Variants in MYH2 observed in about 807,000 individuals in gnomAD.
MYH2 encodes myosin heavy chain 2.
A neutral mutation model predicts 228.1 loss-of-function variants in MYH2; 139 were observed. The observed-to-expected ratio is 0.61, with a 90% CI of 0.53 to 0.70. MYH2 has a LOEUF of 0.70. Among genes scored for constraint, MYH2 ranks in the 30% least tolerant of loss-of-function variants. The pLI is 0.00. For synonymous variants in MYH2, 796 were observed against 871.1 expected, an observed-to-expected ratio of 0.91 and a Z score of 1.52; for missense variants, 1,809 against 2,357.5, an observed-to-expected ratio of 0.77 and a Z score of 4.82.
intron 4 of MYH2, among the ~76,000 whole-genome samples, chr17:10,546,445 T>C (rs1476543383): frequency 2.0e-5 from 3 of 151,686 alleles, no homozygotes; most frequent in Non-Finnish European, 4.4e-5. Context: ...TGCAAAAATA[T>C]GAATATAGTA....
In MYH2 at chr17:10,524,868, G is replaced by A; in HGVS notation, c.4860C>T (p.Leu1620=). The A allele has an allele frequency of 1.2e-6, 2 of 1,613,950 alleles. No individual in the cohort carries two copies. Among genetic ancestry groups the A allele is most frequent in the Non-Finnish European group, 1.7e-6 (2 of 1,180,026 alleles). Residue 1620 remains leucine, a synonymous_variant, in exon 34 of 40, where the codon CTC becomes CTT. Transcript: ENST00000245503. This position sits in a 1 kb window ranked among gnomAD's most constrained non-coding sequence, Gnocchi z 4.7. ...EIRSRNDAIR[L]KKKMEGDLNE... ...TGAGGTCTCCCTCCATCTTCTTCTTGAGCCTAATGGCATCATTCCTACTCC... is the reference window on the plus strand; with the variant it reads ...TGAGGTCTCCCTCCATCTTCTTCTTAAGCCTAATGGCATCATTCCTACTCC...
rs1232533849 is a variant in MYH2, at chr17:10,526,763, A to G, written c.4023T>C (p.Ser1341=). Residue 1341 remains serine (S), a synonymous_variant, in exon 30 of 40, where the codon TCT becomes TCC. Coordinates refer to ENST00000245503, the MANE Select transcript of MYH2 (RefSeq NM_017534.6). The part of the protein sequence containing the change: ...AKNALAHALQ[S]SRHDCDLLRE... The stretch of plus-strand genomic sequence containing the variant: ...GCAGCAGGTCACAGTCGTGGCGGGA[A>G]GACTGCAGGGCATGCGCCAGGGCGT... 5 of 1,614,120 alleles carry G rather than the reference A, an allele frequency of 3.1e-6. No homozygotes were observed. The highest frequency in any genetic ancestry group is 1.3e-5 in the African/African-American group (1 of 74,942).
chr17:10,529,393 TG>T lies in MYH2; in HGVS notation c.3205del (p.Gln1069LysfsTer4), dbSNP rs2142299866. The T allele has an allele frequency of 6.2e-7, 1 of 1,614,192 alleles. No homozygotes were observed. Among genetic ancestry groups the T allele is most frequent in the Admixed American group, 1.7e-5 (1 of 60,030 alleles). ...RKLEGDLKLA[Q>X]ESIMDIENEK... ...ATTTTCAATGTCCATTATGGATTCT[TG>T]GGCCAACTTCAAGTCACCCTCAAGT... On this transcript the variant is annotated frameshift_variant, in exon 25 of 40. Transcript: ENST00000245503. LOFTEE classifies it high-confidence loss of function.
chr17:10,530,262 A>C (rs781473357), intron 22 of MYH2, among the ~76,000 whole-genome samples, 188 bp from the exon 23 acceptor site: 1 of 152,258 alleles, frequency 6.6e-6, no homozygotes, highest in Non-Finnish European at 1.5e-5. Flanking sequence ...AAAATGTACC[A>C]GTTGTCATTT....
Position 10,521,349 on chromosome 17 carries a change from A to G in MYH2, c.5757T>C (p.Ala1919=). ...CCCGCAGTTTGTTCACCTGGGACTC[A>G]GCAATGTCAGCCCGTTCCTCGGCCT... ...LEEAEERADI[A]ESQVNKLRVK... The change falls in exon 40 of 40, where the codon GCT becomes GCC. Residue 1919 remains alanine (A), a synonymous_variant. Transcript: ENST00000245503. The G allele has an allele frequency of 6.2e-7, 1 of 1,614,160 alleles. No homozygotes were observed. The highest frequency in any genetic ancestry group is 8.5e-7 in the Non-Finnish European group (1 of 1,180,026).
At chr17:10,540,481 C>A in intron 11 of MYH2, 113 bp downstream of exon 11, 2 of 915,766 alleles carry the variant, frequency 2.2e-6, no homozygotes, top group Non-Finnish European at 3.5e-6. Context: ...GGGGCATGTC[C>A]ATTTGCATCC....
At chr17:10,530,261 C>T (rs914281707) in intron 22 of MYH2, among the ~76,000 whole-genome samples, 187 bp from the exon 23 acceptor site, 3 of 152,188 alleles carry the variant, frequency 2.0e-5, no homozygotes, top group Admixed American at 2.0e-4. Context: ...CAAAATGTAC[C>T]AGTTGTCATT....
At chr17:10,541,695 T>TG (rs913824795) in intron 10 of MYH2, among the ~76,000 whole-genome samples, 8 of 152,224 alleles carry the variant, frequency 5.3e-5, no homozygotes, top group African/African-American at 1.9e-4. Context: ...TTTTGTGGCT[T>TG]GGGGGGCATC....
In MYH2 at chr17:10,524,715, G is replaced by C. The variant is rs1240694962; in HGVS notation, c.4971+42C>G. 1 of 1,614,086 alleles carries C rather than the reference G, an allele frequency of 6.2e-7. No homozygotes were observed. Among genetic ancestry groups the C allele is most frequent in the African/African-American group, 1.3e-5 (1 of 74,924 alleles). ...GAGACATCATGTTCTCAGGGTTGCA[G>C]GCACCCCAATAGTCCTGGGACCATC... On this transcript the variant is annotated intron_variant, in intron 34 of 39. Transcript: ENST00000245503. This position sits in a 1 kb window ranked among gnomAD's most constrained non-coding sequence, Gnocchi z 4.7.
intron 1 of MYH2, 24 bp from the exon 2 acceptor site, chr17:10,549,441 C>T (rs1243717736): frequency 6.5e-6 from 1 of 152,684 alleles, no homozygotes; most frequent in African/African-American, 2.4e-5. Flanking sequence ...GGGAAAAGCA[C>T]TTGATTAGTT....
At chr17:10,542,373 C>T (rs1364046561) in intron 10 of MYH2, among the ~76,000 whole-genome samples, 1 of 152,096 alleles carries the variant, frequency 6.6e-6, no homozygotes, top group African/African-American at 2.4e-5. Flanking sequence ...ATATACAATC[C>T]AGAATTGGAA....
At position 10,524,910 on chromosome 17, in the gene MYH2, C is replaced by G; in HGVS notation, c.4818G>C (p.Thr1606=). 6.2e-7 allele frequency: 1 copy of G among 1,614,058 alleles called. No homozygotes were observed. Among genetic ancestry groups the G allele is most frequent in the Non-Finnish European group, 8.5e-7 (1 of 1,180,022 alleles). ...TCCTACTCCTGATCTCAGCATCCAGCGTGCTCTGCATGGACTCCACGATTC... is the reference window on the plus strand; with the variant it reads ...TCCTACTCCTGATCTCAGCATCCAGGGTGCTCTGCATGGACTCCACGATTC... The part of the protein sequence containing the change: ...HIRIVESMQS[T]LDAEIRSRND... The change falls in exon 34 of 40, where the codon ACG becomes ACC. Residue 1606 remains threonine (T), a synonymous_variant. Coordinates refer to ENST00000245503, the MANE Select transcript of MYH2 (RefSeq NM_017534.6). The surrounding 1 kb of genome is among the most constrained non-coding windows in gnomAD (Gnocchi z 4.7).
intron 18 of MYH2, 24 bp from the exon 19 acceptor site, chr17:10,535,214 T>G: frequency 6.2e-7 from 1 of 1,614,008 alleles, no homozygotes; most frequent in Non-Finnish European, 8.5e-7. Context: ...TTTATTTCAC[T>G]GCAGAGCTGT....
Position 10,523,351 on chromosome 17 carries a change from C to T in MYH2, c.5534G>A (p.Gly1845Asp). ...EQKRNAEAVK[G>D]LRKHERRVKE... The stretch of plus-strand genomic sequence containing the variant: ...CACTCGCCTCTCATGTTTGCGCAGA[C>T]CTTTGACAGCCTCAGCATTACGCTT... Residue 1845 changes from glycine (G) to aspartate (D), a missense_variant, in exon 38 of 40, where the codon GGT becomes GAT. Gly to Asp is a moderately conservative substitution (Grantham distance 94, BLOSUM62 -1). Transcript: ENST00000245503. 1 of 1,614,198 alleles carries T rather than the reference C, an allele frequency of 6.2e-7. No homozygotes were observed. The highest frequency in any genetic ancestry group is 1.1e-5 in the South Asian group (1 of 91,082).
intron 16 of MYH2, among the ~76,000 whole-genome samples, chr17:10,536,990 C>T (rs562054245): frequency 6.6e-6 from 1 of 152,270 alleles, no homozygotes; most frequent in African/African-American, 2.4e-5. Flanking sequence ...AGGAGAGAAT[C>T]GTAGAAGCTG....
At position 10,525,999 on chromosome 17, in the gene MYH2, T is replaced by A; in HGVS notation, c.4188-123A>T. On this transcript the variant is annotated intron_variant, in intron 30 of 39. Coordinates refer to ENST00000245503, the MANE Select transcript of MYH2 (RefSeq NM_017534.6). This position sits in a 1 kb window ranked among gnomAD's most constrained non-coding sequence, Gnocchi z 4.2. ...TGCTGCCCAGCCACCTTTCATTCTT[T>A]CAACAAATATTGATGAGCCCCTTTT... is the stretch of plus-strand genomic sequence containing the variant. 1 of 1,134,780 alleles carries A rather than the reference T, an allele frequency of 8.8e-7. No homozygotes were observed. Among genetic ancestry groups the A allele is most frequent in the Non-Finnish European group, 1.3e-6 (1 of 793,626 alleles). 70.3% of individuals were successfully genotyped at this position (1,134,780 alleles called of 1,614,324 possible). A position where few individuals can be genotyped will look rare whatever the true frequency, so the allele number is the denominator to read the frequency against.
At chr17:10,527,595 A>G (rs1448858585) in intron 28 of MYH2, among the ~76,000 whole-genome samples, 153 bp downstream of exon 28, 1 of 152,250 alleles carries the variant, frequency 6.6e-6, no homozygotes, top group Non-Finnish European at 1.5e-5. Flanking sequence ...CATTGTCCCA[A>G]GATGACCTTG....
In MYH2 at chr17:10,523,719, C is replaced by G. The variant is rs945898391; in HGVS notation, c.5301+40G>C. 7 of 1,614,104 alleles carry G rather than the reference C, an allele frequency of 4.3e-6. No homozygotes were observed. In the African/African-American group the frequency reaches 8.0e-5, roughly 18 times the overall value. On this transcript the variant is annotated intron_variant, in intron 36 of 39. Coordinates refer to ENST00000245503, the MANE Select transcript of MYH2 (RefSeq NM_017534.6). ...AAGAAAGTTATAGATGTCAGGAAAT[C>G]TTACTGCTAAATCAGTGGACAAGTG...
chr17:10,539,495 G>A lies in MYH2; in HGVS notation c.1215C>T (p.Pro405=). The A allele has an allele frequency of 6.2e-7, 1 of 1,614,154 alleles. No individual in the cohort carries two copies. Among genetic ancestry groups the A allele is most frequent in the Non-Finnish European group, 8.5e-7 (1 of 1,180,030 alleles). ...SADLLKALCY[P]RVKVGNEYVT... ...CATACTCATTGCCGACCTTGACCCT[G>A]GGGTAGCAGAGAGCTTTGAGCAGAT... Residue 405 remains proline, a synonymous_variant, in exon 13 of 40, where the codon CCC becomes CCT. Transcript: ENST00000245503.
Sources: gnomAD v4.1 joint callset for allele counts (sites outside exome capture counted in the v4.1 genomes callset) on GRCh38, gnomAD v4.1.1 for gene constraint, Gnocchi (gnomAD v3.1) non-coding constraint, MANE v1.5 for transcripts, NCBI Gene and HGNC (gene_info 2026-07-23, HGNC 2026-07-21) for gene names.